Variants in HECTD2 observed in about 807,000 individuals in gnomAD.
HECTD2 encodes HECT domain E3 ubiquitin protein ligase 2, also known as probable E3 ubiquitin-protein ligase HECTD2.
HECTD2 carries 35 observed loss-of-function variants against 103.2 expected under a neutral mutation model. The ratio of observed to expected loss-of-function variants is 0.34; its 90% CI spans 0.26 to 0.45. The LOEUF is 0.45. HECTD2 is among the 20% of genes least tolerant of loss of function. The pLI, the probability that HECTD2 is intolerant of heterozygous loss-of-function variation, is 1.00. For missense variants in HECTD2, 596 were observed against 937.4 expected, an observed-to-expected ratio of 0.64 and a Z score of 4.76; for synonymous variants, 281 against 329.9, an observed-to-expected ratio of 0.85 and a Z score of 1.61.
chr10:91,414,031 T>TA (rs1300903742), intron 1 of HECTD2, among the ~76,000 whole-genome samples: 2 of 152,150 alleles, frequency 1.3e-5, no homozygotes, highest in Non-Finnish European at 2.9e-5. Flanking sequence ...TACACATGTT[T>TA]AAAAAAGTGG....
chr10:91,497,191 G>T (rs1326900408), intron 15 of HECTD2, among the ~76,000 whole-genome samples: 1 of 141,788 alleles, frequency 7.1e-6, no homozygotes. Flanking sequence ...GGCCAGGCTG[G>T]TCTCGAACTC....
intron 5 of HECTD2, among the ~76,000 whole-genome samples, chr10:91,473,352 G>T (rs1039869800): frequency 2.8e-4 from 43 of 152,134 alleles, no homozygotes; most frequent in Admixed American, 2.6e-4. Flanking sequence ...GATTGATGTA[G>T]CCGGAGAAAC....
intron 2 of HECTD2, among the ~76,000 whole-genome samples, chr10:91,439,165 G>C (rs1301025275): frequency 2.6e-5 from 4 of 152,142 alleles, no homozygotes; most frequent in Admixed American, 6.6e-5. Flanking sequence ...CCTATGTCCT[G>C]AATGGTATTG....
intron 1 of HECTD2, among the ~76,000 whole-genome samples, chr10:91,418,337 G>A (rs892051338): frequency 2.6e-5 from 4 of 152,034 alleles, no homozygotes; most frequent in African/African-American, 9.7e-5. Context: ...AATCTCTAAT[G>A]CCACCTTGCC....
intron 5 of HECTD2, among the ~76,000 whole-genome samples, chr10:91,470,755 C>G (rs1478943382): frequency 6.6e-6 from 1 of 151,944 alleles, no homozygotes; most frequent in Non-Finnish European, 1.5e-5. Context: ...CCTAAACAGA[C>G]CAATAATGAG....
At chr10:91,505,262 A>C (rs911756873) in intron 20 of HECTD2, among the ~76,000 whole-genome samples, 11 of 152,230 alleles carry the variant, frequency 7.2e-5, no homozygotes, top group African/African-American at 2.6e-4. Context: ...GATCAAATTC[A>C]CACATAACAC....
intron 2 of HECTD2, among the ~76,000 whole-genome samples, chr10:91,459,640 T>C (rs1845259014): frequency 6.6e-6 from 1 of 152,104 alleles, no homozygotes; most frequent in Admixed American, 6.6e-5. Flanking sequence ...CAGAATCTAA[T>C]AATGTACTTT....
chr10:91,456,612 T>G (rs1192428105), intron 2 of HECTD2, among the ~76,000 whole-genome samples: 1 of 152,216 alleles, frequency 6.6e-6, no homozygotes, highest in Non-Finnish European at 1.5e-5. Context: ...TCCAACACTA[T>G]GTTGAATGGG....
At chr10:91,445,452 A>G (rs566945233) in intron 2 of HECTD2, among the ~76,000 whole-genome samples, 2 of 152,310 alleles carry the variant, frequency 1.3e-5, no homozygotes, top group South Asian at 4.1e-4. Context: ...ATAAGTAATA[A>G]GTAATGAAAA....
chr10:91,486,008 T>A (rs1363243753), intron 10 of HECTD2: 1 of 152,142 alleles, frequency 6.6e-6, no homozygotes, highest in African/African-American at 2.4e-5. Flanking sequence ...ACACTTCTAG[T>A]TTGGATTAAA....
chr10:91,470,780 CAGTA>C (rs577775479), intron 5 of HECTD2, among the ~76,000 whole-genome samples: 153 of 152,122 alleles, frequency 1.0e-3, no homozygotes, highest in African/African-American at 3.6e-3. Flanking sequence ...GAAATTGAAT[CAGTA>C]AGAAACAGCT....
At chr10:91,500,805 G>GA (rs924441034) in intron 19 of HECTD2, among the ~76,000 whole-genome samples, 188 bp downstream of exon 19, 5 of 152,120 alleles carry the variant, frequency 3.3e-5, no homozygotes, top group African/African-American at 9.7e-5. Flanking sequence ...CCCTTTGGGA[G>GA]AAAATTCTAT....
intron 6 of HECTD2, 93 bp from the exon 7 acceptor site, chr10:91,481,001 T>C: frequency 2.7e-6 from 2 of 750,090 alleles, no homozygotes; most frequent in South Asian, 1.8e-5. Flanking sequence ...TTTTCTCAAC[T>C]CAGTCTTCAT....
intron 20 of HECTD2, among the ~76,000 whole-genome samples, chr10:91,504,575 G>GA (rs1255103784): frequency 1.3e-5 from 2 of 152,026 alleles, no homozygotes; most frequent in African/African-American, 4.8e-5. Context: ...AAAGTTTAGA[G>GA]AAAAAAGAAT....
chr10:91,506,066 T>G (rs796932932), intron 20 of HECTD2, among the ~76,000 whole-genome samples: 347 of 113,436 alleles, frequency 3.1e-3, no homozygotes, highest in South Asian at 3.8e-3. Context: ...AGATGTTCTT[T>G]GAAACCAACG....
chr10:91,489,945 A>G (rs1424488725), intron 11 of HECTD2: 1 of 152,200 alleles, frequency 6.6e-6, no homozygotes, highest in Admixed American at 6.5e-5. Flanking sequence ...CCAAAAAAAG[A>G]TATAGTCTAA....
At chr10:91,464,048 GGATCCA>G (rs1432453242) in intron 5 of HECTD2, among the ~76,000 whole-genome samples, 2 of 151,936 alleles carry the variant, frequency 1.3e-5, no homozygotes, top group Non-Finnish European at 2.9e-5. Flanking sequence ...AGTCCTCGAG[GGATCCA>G]GGCTGAGTCT....
intron 20 of HECTD2, among the ~76,000 whole-genome samples, chr10:91,509,221 G>A (rs1432031628): frequency 1.7e-4 from 25 of 151,420 alleles, no homozygotes; most frequent in African/African-American, 3.6e-4. Flanking sequence ...ACATGTATAC[G>A]TATGTAACTA....
chr10:91,415,813 T>C (rs1843105032), intron 1 of HECTD2, among the ~76,000 whole-genome samples: 1 of 152,228 alleles, frequency 6.6e-6, no homozygotes, highest in Admixed American at 6.5e-5. Flanking sequence ...GGGAAAGATA[T>C]GTTCTAGGAT....
Sources: allele counts gnomAD v4.1 joint callset (sites outside exome capture counted in the v4.1 genomes callset), GRCh38; gene constraint gnomAD v4.1.1; transcripts MANE v1.5; gene names NCBI Gene and HGNC (gene_info 2026-07-23, HGNC 2026-07-21).